THSD4: variants seen among roughly 807,000 people sequenced by gnomAD.
THSD4 encodes the protein thrombospondin type 1 domain containing 4.
In THSD4, 69 loss-of-function variants were observed where a neutral mutation model predicts 119.0. The ratio of observed to expected loss-of-function variants is 0.58; its 90% CI spans 0.48 to 0.71. The LOEUF (loss-of-function observed/expected upper bound fraction) is 0.71, where lower values mean the gene tolerates loss of function less well. THSD4 is among the 30% of genes least tolerant of loss of function. The pLI is 0.00. For missense variants in THSD4, 1,393 were observed against 1,391.1 expected (o/e 1.00, Z -0.02); for synonymous variants, 524 against 540.4 (o/e 0.97, Z 0.42).
At chr15:71,363,449 T>C (rs1317060836) in intron 6 of THSD4, among the ~76,000 whole-genome samples, 1 of 152,094 alleles carries the variant, frequency 6.6e-6, no homozygotes, top group Non-Finnish European at 1.5e-5. Context: ...GTGTGTGTGT[T>C]TGTGATCCCT....
intron 7 of THSD4, among the ~76,000 whole-genome samples, chr15:71,584,748 TTC>T (rs113165961): frequency 1.1e-3 from 168 of 152,302 alleles, no homozygotes; most frequent in African/African-American, 3.9e-3. Flanking sequence ...TGTTAATTGT[TTC>T]TGTTTTTTAG....
intron 6 of THSD4, among the ~76,000 whole-genome samples, chr15:71,379,803 G>A (rs1293185667): frequency 6.6e-6 from 1 of 151,460 alleles, no homozygotes; most frequent in East Asian, 1.9e-4. Context: ...GCTGACCTTT[G>A]TTGTTGTTGT....
At chr15:71,321,269 C>T (rs539986313) in intron 6 of THSD4, among the ~76,000 whole-genome samples, 1 of 134,164 alleles carries the variant, frequency 7.5e-6, no homozygotes, top group Non-Finnish European at 1.7e-5. Context: ...GGCGCGGTGG[C>T]TCAAGCCTGT....
chr15:71,719,774 C>T (rs989349367), intron 8 of THSD4, among the ~76,000 whole-genome samples: 3 of 152,148 alleles, frequency 2.0e-5, no homozygotes, highest in African/African-American at 7.2e-5. Context: ...TCCCTAGGCT[C>T]AAGCAATCCT....
intron 6 of THSD4, among the ~76,000 whole-genome samples, chr15:71,378,691 AT>A (rs1040911937): frequency 4.6e-5 from 7 of 152,342 alleles, no homozygotes; most frequent in Middle Eastern, 6.8e-3. Flanking sequence ...ATTAAAGCAT[AT>A]TTTTTAATGA....
intron 7 of THSD4, among the ~76,000 whole-genome samples, chr15:71,459,425 G>GTCTCTCTGTCTCTCTGTCTCTC (rs2047396483): frequency 7.6e-6 from 1 of 131,668 alleles, no homozygotes; most frequent in African/African-American, 2.8e-5. Context: ...TCTCTCTCTC[G>GTCTCTCTGTCTCTCTGTCTCTC]TCAACATGCT....
chr15:71,592,918 G>A (rs1021027719), intron 7 of THSD4, among the ~76,000 whole-genome samples: 23 of 152,074 alleles, frequency 1.5e-4, no homozygotes, highest in African/African-American at 5.6e-4. Context: ...AGGTCAGCAG[G>A]AGCATCTTTG....
chr15:71,304,908 A>G (rs920351691), intron 6 of THSD4, among the ~76,000 whole-genome samples: 13 of 152,242 alleles, frequency 8.5e-5, no homozygotes, highest in African/African-American at 3.1e-4. Context: ...TACTAAATGG[A>G]TCCAGATGCC....
chr15:71,572,092 G>C (rs1445730652), intron 7 of THSD4, among the ~76,000 whole-genome samples: 1 of 152,088 alleles, frequency 6.6e-6, no homozygotes, highest in Non-Finnish European at 1.5e-5. Flanking sequence ...GGATATTGCA[G>C]AGAAAAAATT....
At chr15:71,450,587 C>T (rs1051097871) in intron 7 of THSD4, among the ~76,000 whole-genome samples, 3 of 152,254 alleles carry the variant, frequency 2.0e-5, no homozygotes, top group Non-Finnish European at 4.4e-5. Flanking sequence ...GGTTATGTAA[C>T]AAGTATAAAT....
chr15:71,601,024 G>T (rs919209453), intron 7 of THSD4, among the ~76,000 whole-genome samples: 8 of 152,148 alleles, frequency 5.3e-5, no homozygotes, highest in African/African-American at 1.9e-4. Flanking sequence ...TGGCATTACA[G>T]GCATGAGCCA....
intron 3 of THSD4, among the ~76,000 whole-genome samples, chr15:71,201,841 G>T (rs1044103352): frequency 6.6e-6 from 1 of 152,154 alleles, no homozygotes; most frequent in Non-Finnish European, 1.5e-5. Flanking sequence ...GGTTCACGTC[G>T]ACATGGGCAG....
intron 11 of THSD4, 89 bp downstream of exon 11, chr15:71,738,096 T>G (rs1289544438): frequency 6.6e-7 from 1 of 1,517,988 alleles, no homozygotes; most frequent in Admixed American, 2.1e-5. Context: ...CCGGCTTTTT[T>G]GGCACCAGGG....
At chr15:71,136,017 T>TTA (rs869064530) in intron 1 of THSD4, among the ~76,000 whole-genome samples, 1 of 104,588 alleles carries the variant, frequency 9.6e-6, no homozygotes, top group African/African-American at 3.3e-5. Context: ...TTTTTTTTTT[T>TTA]AAGACTCCAG....
intron 3 of THSD4, among the ~76,000 whole-genome samples, chr15:71,189,386 T>C (rs1267866730): frequency 2.0e-5 from 3 of 152,174 alleles, no homozygotes; most frequent in African/African-American, 4.8e-5. Context: ...AAAATACGTT[T>C]CTGGCTGGGT....
At chr15:71,371,149 C>T (rs1302626548) in intron 6 of THSD4, among the ~76,000 whole-genome samples, 116 of 152,226 alleles carry the variant, frequency 7.6e-4, no homozygotes, top group South Asian at 6.2e-4. Context: ...TCCTCCATCC[C>T]TTTATTTTGA....
chr15:71,368,298 A>G (rs1405221796), intron 6 of THSD4, among the ~76,000 whole-genome samples: 1 of 152,006 alleles, frequency 6.6e-6, no homozygotes, highest in East Asian at 1.9e-4. Context: ...ATTAGATCCC[A>G]TTTGTCAGTT....
intron 3 of THSD4, among the ~76,000 whole-genome samples, chr15:71,180,143 A>T (rs1171973610): frequency 4.0e-5 from 1 of 24,806 alleles, no homozygotes; most frequent in African/African-American, 5.3e-5. Flanking sequence ...AGAGTATAAT[A>T]AAAAAAAAAC....
chr15:71,368,772 T>A (rs188958259), intron 6 of THSD4, among the ~76,000 whole-genome samples: 1 of 152,326 alleles, frequency 6.6e-6, no homozygotes, highest in Non-Finnish European at 1.5e-5. Flanking sequence ...ATGTGCGCTC[T>A]TTTTTGGTTC....
Sources: gnomAD v4.1 joint callset for allele counts (sites outside exome capture counted in the v4.1 genomes callset) on GRCh38, gnomAD v4.1.1 for gene constraint, MANE v1.5 for transcripts, NCBI Gene and HGNC (gene_info 2026-07-23, HGNC 2026-07-21) for gene names.